IPO11: variants seen among roughly 807,000 people sequenced by gnomAD.
IPO11 encodes importin 11, also known as importin-11.
In IPO11, 66 loss-of-function variants were observed where a neutral mutation model predicts 143.2. The observed-to-expected ratio is 0.46, with a 90% CI of 0.38 to 0.57. The LOEUF (loss-of-function observed/expected upper bound fraction) is 0.57, where lower values mean the gene tolerates loss of function less well. IPO11 is among the 20% of genes least tolerant of loss of function. The probability of loss-of-function intolerance (pLI) is 0.00; values close to 1 mark genes in which losing one functional copy is unlikely to be tolerated. For synonymous variants in IPO11, 385 were observed against 377.8 expected (o/e 1.02, Z -0.22); for missense variants, 1,026 against 1,141.0 (o/e 0.90, Z 1.45).
intron 29 of IPO11, among the ~76,000 whole-genome samples, chr5:62,624,972 G>A (rs1746508228): frequency 8.2e-6 from 1 of 121,346 alleles, no homozygotes; most frequent in South Asian, 2.9e-4. Flanking sequence ...GCGACAGAGC[G>A]AGAGACTCAA....
intron 5 of IPO11, among the ~76,000 whole-genome samples, chr5:62,466,285 A>C (rs1396517314): frequency 6.6e-6 from 1 of 152,180 alleles, no homozygotes; most frequent in African/African-American, 2.4e-5. Context: ...AAAAATACTT[A>C]AACTAACAAA....
intron 27 of IPO11, among the ~76,000 whole-genome samples, chr5:62,577,024 CTAATT>C (rs1386553459): frequency 3.9e-5 from 6 of 152,244 alleles, no homozygotes; most frequent in African/African-American, 1.2e-4. Flanking sequence ...AAATAGAAGA[CTAATT>C]TAAGAGGTTG....
chr5:62,481,574 G>A lies in IPO11; in HGVS notation c.829-1527G>A, dbSNP rs147145567. Among the ~76,000 whole-genome samples the A allele has an allele frequency of 6.5e-3, 984 of 152,214 alleles. 9 individuals carry two copies. Among genetic ancestry groups the A allele is most frequent in the African/African-American group, 0.023 (950 of 41,518 alleles). On this transcript the variant is annotated intron_variant, in intron 9 of 29. Coordinates refer to ENST00000325324, the MANE Select transcript of IPO11 (RefSeq NM_016338.5). ...TGATGGATTACGTTCATTGATTTGCGTATGTTGAACCAGCCTTGCATCCCA... is the reference window on the plus strand; with the variant it reads ...TGATGGATTACGTTCATTGATTTGCATATGTTGAACCAGCCTTGCATCCCA...
intron 20 of IPO11, among the ~76,000 whole-genome samples, chr5:62,517,361 C>T (rs1268396776): frequency 1.3e-5 from 2 of 152,122 alleles, no homozygotes; most frequent in Non-Finnish European, 2.9e-5. Context: ...CAATGAACGA[C>T]CCGAGATATT....
chr5:62,551,333 G>A lies in IPO11; in HGVS notation c.2457G>A (p.Gln819=), dbSNP rs746664468. The A allele has an allele frequency of 2.0e-6, 3 of 1,481,934 alleles. No homozygotes were observed. The highest frequency in any genetic ancestry group is 2.8e-6 in the Non-Finnish European group (3 of 1,062,654). 91.8% of individuals were successfully genotyped at this position (1,481,934 alleles called of 1,614,324 possible). A position where few individuals can be genotyped will look rare whatever the true frequency, so the allele number is the denominator to read the frequency against. The change falls in exon 26 of 30, where the codon CAG becomes CAA. Residue 819 remains glutamine (Q), a synonymous_variant. Transcript: ENST00000325324. ...LLNEMAHKFN[Q]EMDQLLGNMI... ...ATGAGATGGCCCATAAATTTAATCA[G>A]GAGGTAAGAATCAATATACTTAAAT... is the stretch of plus-strand genomic sequence containing the variant.
At chr5:62,582,978 A>G (rs1373530271) in intron 27 of IPO11, among the ~76,000 whole-genome samples, 1 of 152,188 alleles carries the variant, frequency 6.6e-6, no homozygotes, top group Non-Finnish European at 1.5e-5. Flanking sequence ...ATAAAGCCCC[A>G]CCAACCCCAA....
chr5:62,462,938 TTAGATA>T (rs1482531658), intron 5 of IPO11, among the ~76,000 whole-genome samples: 1 of 151,798 alleles, frequency 6.6e-6, no homozygotes, highest in East Asian at 1.9e-4. Flanking sequence ...GTATTGAGAA[TTAGATA>T]AAAGGTCTAT....
Position 62,447,944 on chromosome 5 carries a change from G to T in IPO11, c.240-1983G>T, listed in dbSNP as rs570418062. 2.0e-5 allele frequency among the ~76,000 whole-genome samples: 3 copies of T among 152,142 alleles called. No homozygotes were observed. The East Asian group carries it at 5.8e-4, about 29-fold the overall frequency. ...TGTCCAGGCTGGTATTGAACTCCTG[G>T]CCTCAAGTGATCTTCCTGCCTCGGC... On this transcript the variant is annotated intron_variant, in intron 3 of 29. Transcript: ENST00000325324.
intron 27 of IPO11, among the ~76,000 whole-genome samples, chr5:62,575,354 C>A (rs1744279677): frequency 1.3e-5 from 2 of 152,180 alleles, no homozygotes; most frequent in Admixed American, 6.6e-5. Flanking sequence ...TGAACCATTT[C>A]TGTGTAAGTT....
intron 19 of IPO11, among the ~76,000 whole-genome samples, chr5:62,507,164 T>G (rs980374249): frequency 6.6e-6 from 1 of 152,038 alleles, no homozygotes; most frequent in South Asian, 2.1e-4. Flanking sequence ...GGTAGAGGAG[T>G]TAGAATTTAT....
At chr5:62,455,123 G>A (rs1019362247) in intron 5 of IPO11, among the ~76,000 whole-genome samples, 1 of 152,306 alleles carries the variant, frequency 6.6e-6, no homozygotes, top group African/African-American at 2.4e-5. Context: ...AATTTTGCTG[G>A]TTAATACAGC....
chr5:62,615,522 C>T (rs1746097610), intron 29 of IPO11, among the ~76,000 whole-genome samples: 1 of 152,218 alleles, frequency 6.6e-6, no homozygotes, highest in South Asian at 2.1e-4. Flanking sequence ...AATAATCCCT[C>T]TCATCCCCCA....
intron 3 of IPO11, among the ~76,000 whole-genome samples, chr5:62,448,990 G>GA (rs1355374881): frequency 1.3e-5 from 2 of 152,130 alleles, no homozygotes; most frequent in Non-Finnish European, 2.9e-5. Context: ...TACCCAGAAT[G>GA]AAAAACCTTA....
At chr5:62,621,815 G>A (rs1746388291) in intron 29 of IPO11, among the ~76,000 whole-genome samples, 1 of 151,978 alleles carries the variant, frequency 6.6e-6, no homozygotes, top group Admixed American at 6.6e-5. Flanking sequence ...TGGAATTCAG[G>A]AAACAAAAAC....
At chr5:62,525,367 TTTG>T (rs1742334448) in intron 20 of IPO11, among the ~76,000 whole-genome samples, 3 of 148,186 alleles carry the variant, frequency 2.0e-5, no homozygotes, top group Admixed American at 6.7e-5. Context: ...TTTTTTTTTT[TTTG>T]TGTGTGTGTG....
At chr5:62,586,235 G>A (rs1002036286) in intron 27 of IPO11, among the ~76,000 whole-genome samples, 1 of 152,102 alleles carries the variant, frequency 6.6e-6, no homozygotes, top group African/African-American at 2.4e-5. Context: ...TTACACATAT[G>A]TATTTTTAAA....
At chr5:62,508,057 T>A (rs1362153851) in intron 19 of IPO11, among the ~76,000 whole-genome samples, 1 of 152,230 alleles carries the variant, frequency 6.6e-6, no homozygotes, top group East Asian at 1.9e-4. Context: ...GTTGCATATA[T>A]CCCTTAACTC....
At chr5:62,623,004 G>T (rs1241827325) in intron 29 of IPO11, among the ~76,000 whole-genome samples, 1 of 152,136 alleles carries the variant, frequency 6.6e-6, no homozygotes, top group Non-Finnish European at 1.5e-5. Flanking sequence ...TGATTAAGTG[G>T]GTTCTGATTG....
intron 16 of IPO11, among the ~76,000 whole-genome samples, chr5:62,498,465 A>G (rs998660386): frequency 1.3e-5 from 2 of 152,262 alleles, no homozygotes; most frequent in Admixed American, 1.3e-4. Flanking sequence ...TGTAGTTTAG[A>G]GGAACCTTCT....
Sources: allele counts gnomAD v4.1 joint callset (sites outside exome capture counted in the v4.1 genomes callset), GRCh38; gene constraint gnomAD v4.1.1; transcripts MANE v1.5; gene names NCBI Gene and HGNC (gene_info 2026-07-23, HGNC 2026-07-21).